Variants in TSPAN12 observed in about 807,000 individuals in gnomAD.
The protein encoded by TSPAN12 is tetraspanin-12.
In TSPAN12, 19 loss-of-function variants were observed where a neutral mutation model predicts 39.2. The observed-to-expected ratio is 0.49, with a 90% confidence interval of 0.34 to 0.71. The LOEUF is 0.71. Ranked by LOEUF, TSPAN12 falls within the 30% of genes least tolerant of loss-of-function variation. The probability of loss-of-function intolerance (pLI) is 0.01; values close to 1 mark genes in which losing one functional copy is unlikely to be tolerated. For missense variants in TSPAN12, 314 were observed against 359.9 expected (o/e 0.87, Z 1.03); for synonymous variants, 119 against 124.8 (o/e 0.95, Z 0.31).
At chr7:120,815,841 G>A in intron 4 of TSPAN12, 38 bp from the exon 5 acceptor site, 1 of 1,554,128 alleles carries the variant, frequency 6.4e-7, no homozygotes, top group Non-Finnish European at 8.8e-7. Context: ...TATAGTATCA[G>A]AATAAAATAG....
intron 7 of TSPAN12, among the ~76,000 whole-genome samples, chr7:120,798,415 C>G (rs1188103627): frequency 6.6e-6 from 1 of 152,160 alleles, no homozygotes; most frequent in Non-Finnish European, 1.5e-5. Flanking sequence ...TAAAAGAACC[C>G]TGAGAATGGA....
Position 120,838,816 on chromosome 7 carries a change from A to G in TSPAN12, c.246T>C (p.Tyr82=), listed in dbSNP as rs751714380. Reference sequence around the variant, plus strand: ...ACAGATTTCTTTTCACCGTTCCACAATATCCTAACATCCCCACAATGATAA... The same window carrying G: ...ACAGATTTCTTTTCACCGTTCCACAGTATCCTAACATCCCCACAATGATAA... ...CFLIIVGMLG[Y]CGTVKRNLLL... Residue 82 remains tyrosine (Y), a synonymous_variant, in exon 4 of 8, where the codon TAT becomes TAC. Coordinates refer to ENST00000222747, the MANE Select transcript of TSPAN12 (RefSeq NM_012338.4). 6.2e-7 allele frequency: 1 copy of G among 1,614,064 alleles called. No individual in the cohort carries two copies. Among genetic ancestry groups the G allele is most frequent in the Non-Finnish European group, 8.5e-7 (1 of 1,179,942 alleles).
At chr7:120,806,761 C>T in intron 6 of TSPAN12, 69 bp from the exon 7 acceptor site, 1 of 1,598,248 alleles carries the variant, frequency 6.3e-7, no homozygotes, top group Non-Finnish European at 8.5e-7. Flanking sequence ...GGAGATTAAA[C>T]ATCAGTTTTT....
intron 5 of TSPAN12, among the ~76,000 whole-genome samples, chr7:120,811,919 G>C (rs1325914726): frequency 6.6e-6 from 1 of 151,992 alleles, no homozygotes; most frequent in Admixed American, 6.6e-5. Flanking sequence ...GGAGGGGGAC[G>C]AGGGATAAAA....
intron 4 of TSPAN12, among the ~76,000 whole-genome samples, chr7:120,832,212 T>G (rs1023103735): frequency 5.9e-5 from 9 of 152,098 alleles, no homozygotes; most frequent in African/African-American, 2.2e-4. Context: ...TATCCATGGC[T>G]TCTGGGGATG....
At chr7:120,802,767 TG>T (rs1320679365) in intron 7 of TSPAN12, among the ~76,000 whole-genome samples, 1 of 152,214 alleles carries the variant, frequency 6.6e-6, no homozygotes, top group Non-Finnish European at 1.5e-5. Context: ...AATACAAGTT[TG>T]TAGCTTATTA....
intron 4 of TSPAN12, among the ~76,000 whole-genome samples, chr7:120,838,460 T>C (rs368114921): frequency 6.6e-6 from 1 of 152,236 alleles, no homozygotes; most frequent in Non-Finnish European, 1.5e-5. Context: ...AGTTCCTTTA[T>C]GGCTTCTCAG....
At chr7:120,814,062 T>C (rs944882103) in intron 5 of TSPAN12, 2 of 373,686 alleles carry the variant, frequency 5.4e-6, no homozygotes, top group Non-Finnish European at 1.1e-5. Context: ...TATGTGTGAG[T>C]GTGCCAAAGC....
chr7:120,850,982 G>A (rs966869632), intron 2 of TSPAN12, among the ~76,000 whole-genome samples: 1 of 152,112 alleles, frequency 6.6e-6, no homozygotes, highest in Non-Finnish European at 1.5e-5. Flanking sequence ...GAGACACCGC[G>A]TCCGGCTGAC....
chr7:120,851,184 C>T (rs1176842883), intron 2 of TSPAN12, among the ~76,000 whole-genome samples: 1 of 152,192 alleles, frequency 6.6e-6, no homozygotes. Context: ...CAAACTTCTA[C>T]TTGCCAAGGA....
chr7:120,798,306 C>G (rs1472136192), intron 7 of TSPAN12, among the ~76,000 whole-genome samples: 1 of 152,144 alleles, frequency 6.6e-6, no homozygotes, highest in Admixed American at 6.5e-5. Context: ...AAAACAGATA[C>G]CACCGCAAGT....
chr7:120,823,116 T>A (rs1487076833), intron 4 of TSPAN12, among the ~76,000 whole-genome samples: 1 of 152,042 alleles, frequency 6.6e-6, no homozygotes, highest in East Asian at 1.9e-4. Flanking sequence ...ACATGCTTCC[T>A]AAAATGAGAG....
intron 2 of TSPAN12, among the ~76,000 whole-genome samples, chr7:120,850,385 A>G (rs1224184164): frequency 5.3e-5 from 8 of 152,350 alleles, no homozygotes; most frequent in Non-Finnish European, 8.8e-5. Flanking sequence ...ATGATAAAGT[A>G]TATGATCACC....
chr7:120,808,072 C>T (rs1407421415), intron 6 of TSPAN12, among the ~76,000 whole-genome samples: 1 of 152,024 alleles, frequency 6.6e-6, no homozygotes, highest in Non-Finnish European at 1.5e-5. Flanking sequence ...TTTTTAAATT[C>T]TTGCACTCAA....
chr7:120,800,553 T>C (rs2116327226), intron 7 of TSPAN12, among the ~76,000 whole-genome samples: 1 of 152,096 alleles, frequency 6.6e-6, no homozygotes, highest in African/African-American at 2.4e-5. Context: ...TAGAATCCCA[T>C]CCCTCACCAC....
At chr7:120,845,545 G>T (rs1296940134) in intron 2 of TSPAN12, among the ~76,000 whole-genome samples, 1 of 152,154 alleles carries the variant, frequency 6.6e-6, no homozygotes, top group Non-Finnish European at 1.5e-5. Context: ...TTCCTGCTTA[G>T]AAATTTGTTC....
chr7:120,816,328 T>C (rs1794081681), intron 4 of TSPAN12, among the ~76,000 whole-genome samples: 1 of 149,878 alleles, frequency 6.7e-6, no homozygotes, highest in Non-Finnish European at 1.5e-5. Flanking sequence ...TTGGGATATA[T>C]AAAAGAATAT....
chr7:120,795,010 CAT>C (rs1424880983), intron 7 of TSPAN12, among the ~76,000 whole-genome samples: 3 of 152,128 alleles, frequency 2.0e-5, no homozygotes, highest in African/African-American at 7.2e-5. Flanking sequence ...AGATAAAAAA[CAT>C]AGATGTGTTT....
intron 2 of TSPAN12, among the ~76,000 whole-genome samples, chr7:120,848,265 A>G (rs1794709707): frequency 6.6e-6 from 1 of 152,202 alleles, no homozygotes; most frequent in Non-Finnish European, 1.5e-5. Flanking sequence ...CTCATAAAGC[A>G]GTTATCCTAT....
Sources: gnomAD v4.1 joint callset for allele counts (sites outside exome capture counted in the v4.1 genomes callset) on GRCh38, gnomAD v4.1.1 for gene constraint, MANE v1.5 for transcripts, NCBI Gene and HGNC (gene_info 2026-07-23, HGNC 2026-07-21) for gene names.